Variants in TMTC1 observed in about 807,000 individuals in gnomAD.
TMTC1 encodes transmembrane O-mannosyltransferase targeting cadherins 1.
In TMTC1, 73 loss-of-function variants were observed where a neutral mutation model predicts 104.8. The ratio of observed to expected loss-of-function variants is 0.70; its 90% confidence interval spans 0.58 to 0.85. The LOEUF (loss-of-function observed/expected upper bound fraction) is 0.85. TMTC1 is among the 40% of genes least tolerant of loss of function. TMTC1 has a pLI of 0.00. For missense variants in TMTC1, 1,035 were observed against 1,096.1 expected (o/e 0.94, Z 0.79); for synonymous variants, 434 against 428.7 (o/e 1.01, Z -0.15).
chr12:29,603,941 A>G (rs1946629900), intron 7 of TMTC1, among the ~76,000 whole-genome samples: 1 of 152,232 alleles, frequency 6.6e-6, no homozygotes, highest in East Asian at 1.9e-4. Flanking sequence ...TCAAGTTAAT[A>G]TTTCACATTT....
intron 5 of TMTC1, among the ~76,000 whole-genome samples, chr12:29,740,619 T>C (rs181222458): frequency 9.2e-5 from 14 of 152,180 alleles, no homozygotes; most frequent in African/African-American, 3.1e-4. Context: ...TAGATACATA[T>C]ATATAATCTC....
chr12:29,563,732 T>A (rs967623589), intron 9 of TMTC1, among the ~76,000 whole-genome samples: 1 of 152,206 alleles, frequency 6.6e-6, no homozygotes, highest in African/African-American at 2.4e-5. Context: ...CCAGACTTTG[T>A]TTTCACAAGC....
In TMTC1 at chr12:29,513,015, G is replaced by A. The variant is rs1943882899; in HGVS notation, c.2431-895C>T. ...TCAGTTTTAGGGGAAAGAAAGAAATGTTATGAAACTATACCTTCAAAAAGC... is the reference window on the plus strand; with the variant it reads ...TCAGTTTTAGGGGAAAGAAAGAAATATTATGAAACTATACCTTCAAAAAGC... On this transcript the variant is annotated intron_variant, in intron 16 of 17. Coordinates refer to ENST00000539277, the MANE Select transcript of TMTC1 (RefSeq NM_001193451.2). Among the ~76,000 whole-genome samples the A allele has an allele frequency of 2.6e-5, 4 of 152,116 alleles. No individual in the cohort carries two copies. The South Asian group carries it at 8.3e-4, about 31-fold the overall frequency.
chr12:29,742,489 T>C (rs1392889842), intron 5 of TMTC1, among the ~76,000 whole-genome samples: 1 of 152,174 alleles, frequency 6.6e-6, no homozygotes, highest in African/African-American at 2.4e-5. Context: ...GTTTGAATAA[T>C]ATAAATAGTA....
chr12:29,592,818 T>C (rs1946315312), intron 7 of TMTC1, among the ~76,000 whole-genome samples: 1 of 152,224 alleles, frequency 6.6e-6, no homozygotes, highest in Admixed American at 6.5e-5. Flanking sequence ...TTAAACATTA[T>C]ACTATAATGA....
At chr12:29,525,081 C>T (rs563278036) in intron 11 of TMTC1, among the ~76,000 whole-genome samples, 1 of 146,500 alleles carries the variant, frequency 6.8e-6, no homozygotes, top group Admixed American at 6.9e-5. Context: ...GTCTGGAGGG[C>T]CCTTTTCAGT....
intron 10 of TMTC1, among the ~76,000 whole-genome samples, chr12:29,536,879 T>C (rs1229900458): frequency 6.6e-6 from 1 of 152,204 alleles, no homozygotes; most frequent in Non-Finnish European, 1.5e-5. Flanking sequence ...TAAAGAATAA[T>C]GAGACATTTT....
At chr12:29,731,902 T>C (rs1034422023) in intron 5 of TMTC1, among the ~76,000 whole-genome samples, 5 of 152,198 alleles carry the variant, frequency 3.3e-5, no homozygotes, top group Non-Finnish European at 7.3e-5. Context: ...TTCTGCTCAT[T>C]CCTTTTTCTC....
intron 17 of TMTC1, among the ~76,000 whole-genome samples, chr12:29,509,285 TC>T (rs558516332): frequency 4.6e-5 from 7 of 152,234 alleles, no homozygotes; most frequent in Non-Finnish European, 1.0e-4. Flanking sequence ...AATTTCTTGG[TC>T]CACTCACTTC....
chr12:29,700,227 CT>C (rs887342425), intron 5 of TMTC1, among the ~76,000 whole-genome samples: 62 of 138,736 alleles, frequency 4.5e-4, no homozygotes, highest in South Asian at 7.0e-4. Context: ...TTTTGTTTTT[CT>C]TTTTTTTTTT....
chr12:29,722,217 T>C (rs1312397157), intron 5 of TMTC1, among the ~76,000 whole-genome samples: 1 of 152,214 alleles, frequency 6.6e-6, no homozygotes, highest in Non-Finnish European at 1.5e-5. Flanking sequence ...TAGTGTATAA[T>C]GTGCAGGAAT....
intron 6 of TMTC1, among the ~76,000 whole-genome samples, chr12:29,608,823 G>GA (rs1259136345): frequency 3.3e-5 from 5 of 152,144 alleles, no homozygotes; most frequent in Non-Finnish European, 5.9e-5. Flanking sequence ...GCTTTTCTCA[G>GA]AGCCGTAAAT....
chr12:29,573,859 A>C (rs1432400589), intron 8 of TMTC1, among the ~76,000 whole-genome samples: 1 of 152,154 alleles, frequency 6.6e-6, no homozygotes, highest in Non-Finnish European at 1.5e-5. Flanking sequence ...GCAGAGAATC[A>C]GTGCAAAGTC....
At chr12:29,585,568 T>C (rs1380925723) in intron 7 of TMTC1, among the ~76,000 whole-genome samples, 1 of 152,202 alleles carries the variant, frequency 6.6e-6, no homozygotes, top group Admixed American at 6.5e-5. Flanking sequence ...GTTTTTATAG[T>C]TTTAGGTCTA....
chr12:29,564,269 T>A (rs981163383), intron 9 of TMTC1, among the ~76,000 whole-genome samples: 1 of 152,020 alleles, frequency 6.6e-6, no homozygotes, highest in Non-Finnish European at 1.5e-5. Flanking sequence ...GGAAAGATAA[T>A]GGTAGAGTCA....
intron 5 of TMTC1, among the ~76,000 whole-genome samples, chr12:29,738,097 A>G (rs117935917): frequency 6.0e-4 from 91 of 152,326 alleles, no homozygotes; most frequent in Admixed American, 2.2e-3. Context: ...GCCCCATGCT[A>G]GAGTCTTCAC....
At chr12:29,628,449 G>A (rs1228445695) in intron 6 of TMTC1, among the ~76,000 whole-genome samples, 1 of 152,136 alleles carries the variant, frequency 6.6e-6, no homozygotes, top group African/African-American at 2.4e-5. Flanking sequence ...TCTTGCTCGA[G>A]AGCTTTCCAG....
chr12:29,590,073 A>G (rs1043647585), intron 7 of TMTC1, among the ~76,000 whole-genome samples: 1 of 152,158 alleles, frequency 6.6e-6, no homozygotes, highest in Non-Finnish European at 1.5e-5. Context: ...CTGTCTTTGT[A>G]GCAGGAAAAC....
rs1247924518 is a variant in TMTC1 at position 29,630,144 on chromosome 12, T to A, written c.1128+3003A>T. Among the ~76,000 whole-genome samples the A allele has an allele frequency of 3.3e-5, 5 of 152,166 alleles. No homozygotes were observed. In the East Asian group the frequency reaches 9.6e-4, roughly 29 times the overall value. ...CATTATAATTATGCCTTTTTTAGAG[T>A]TTCACATGAATGGAATCATATAGGG... On this transcript the variant is annotated intron_variant, in intron 6 of 17. Transcript: ENST00000539277.
Sources: gnomAD v4.1 joint callset for allele counts (sites outside exome capture counted in the v4.1 genomes callset) on GRCh38, gnomAD v4.1.1 for gene constraint, MANE v1.5 for transcripts, NCBI Gene and HGNC (gene_info 2026-07-23, HGNC 2026-07-21) for gene names.